The following ERBB4 variants were observed in gnomAD, a reference collection of about 807,000 sequenced individuals.
ERBB4 encodes the protein erb-b2 receptor tyrosine kinase 4.
In ERBB4, 42 loss-of-function variants were observed where a neutral mutation model predicts 158.0. The ratio of observed to expected loss-of-function variants is 0.27; its 90% confidence interval spans 0.21 to 0.34. The LOEUF is 0.34. ERBB4 is among the 10% of genes least tolerant of loss of function. The pLI is 1.00. For synonymous variants in ERBB4, 583 were observed against 558.7 expected, an observed-to-expected ratio of 1.04 and a Z score of -0.61; for missense variants, 1,333 against 1,624.1, an observed-to-expected ratio of 0.82 and a Z score of 3.08.
intron 4 of ERBB4, among the ~76,000 whole-genome samples, chr2:211,782,046 T>C (rs990816470): frequency 2.6e-5 from 4 of 152,104 alleles, no homozygotes; most frequent in Admixed American, 2.6e-4. Context: ...TTGACAGCGG[T>C]TTTCCTTAGG....
At chr2:211,817,983 T>A (rs1457511052) in intron 3 of ERBB4, among the ~76,000 whole-genome samples, 1 of 152,176 alleles carries the variant, frequency 6.6e-6, no homozygotes, top group African/African-American at 2.4e-5. Flanking sequence ...TCATATCTTG[T>A]TAAAGTTACT....
intron 1 of ERBB4, among the ~76,000 whole-genome samples, chr2:212,399,670 C>G (rs1283311): frequency 1 from 133,168 of 133,180 alleles, 66,578 homozygotes; most frequent in Middle Eastern, 1. Context: ...TTCGAGTCCA[C>G]CCTGGCCAAC....
chr2:212,256,006 T>TTC (rs1331005772), intron 1 of ERBB4, among the ~76,000 whole-genome samples: 1 of 127,498 alleles, frequency 7.8e-6, no homozygotes, highest in Non-Finnish European at 1.7e-5. Flanking sequence ...TATTTATTTT[T>TTC]TTTTTACAAA....
chr2:212,193,330 A>T (rs1210587438), intron 1 of ERBB4, among the ~76,000 whole-genome samples: 1 of 152,134 alleles, frequency 6.6e-6, no homozygotes, highest in Non-Finnish European at 1.5e-5. Flanking sequence ...AAGTGATGCC[A>T]TCTGCTTTTC....
chr2:211,442,569 G>A (rs1171350478), intron 20 of ERBB4, among the ~76,000 whole-genome samples: 2 of 151,948 alleles, frequency 1.3e-5, no homozygotes, highest in African/African-American at 4.8e-5. Flanking sequence ...ATTACCCAAT[G>A]CTAACAGTTT....
At chr2:212,389,035 A>G (rs1476151025) in intron 1 of ERBB4, among the ~76,000 whole-genome samples, 1 of 152,102 alleles carries the variant, frequency 6.6e-6, no homozygotes, top group African/African-American at 2.4e-5. Flanking sequence ...GAAACTGGTG[A>G]AAAAGTGTAT....
chr2:211,729,955 T>C (rs535705843), intron 5 of ERBB4, among the ~76,000 whole-genome samples: 1 of 151,956 alleles, frequency 6.6e-6, no homozygotes, highest in South Asian at 2.1e-4. Context: ...GACGTTAAAC[T>C]TCTTATATTC....
intron 20 of ERBB4, among the ~76,000 whole-genome samples, chr2:211,553,204 C>T (rs772782186): frequency 6.6e-6 from 1 of 151,908 alleles, no homozygotes; most frequent in East Asian, 1.9e-4. Flanking sequence ...TCCGACCTCA[C>T]GTGATTCACC....
intron 1 of ERBB4, among the ~76,000 whole-genome samples, chr2:212,272,146 TTATAAA>T (rs746654965): frequency 2.8e-4 from 43 of 151,894 alleles, no homozygotes; most frequent in Non-Finnish European, 5.2e-4. Context: ...AAAATTTGCC[TTATAAA>T]TATAAACATA....
At chr2:212,456,406 G>T (rs548836941) in intron 1 of ERBB4, among the ~76,000 whole-genome samples, 2 of 152,054 alleles carry the variant, frequency 1.3e-5, no homozygotes, top group East Asian at 3.9e-4. Flanking sequence ...GGGATAAATA[G>T]AGTACAAGAT....
chr2:212,227,817 T>C (rs995977442), intron 1 of ERBB4, among the ~76,000 whole-genome samples: 3 of 151,636 alleles, frequency 2.0e-5, no homozygotes, highest in Non-Finnish European at 2.9e-5. Flanking sequence ...TAGATTACTG[T>C]CCAGTATAAA....
At chr2:211,531,146 A>G (rs1439759502) in intron 20 of ERBB4, among the ~76,000 whole-genome samples, 1 of 152,132 alleles carries the variant, frequency 6.6e-6, no homozygotes, top group Non-Finnish European at 1.5e-5. Context: ...ATCTCTTACC[A>G]TATTAAAAAA....
At chr2:212,407,489 A>C (rs890622683) in intron 1 of ERBB4, among the ~76,000 whole-genome samples, 2 of 152,136 alleles carry the variant, frequency 1.3e-5, no homozygotes, top group East Asian at 3.9e-4. Flanking sequence ...TGACAAAGCC[A>C]GGGTTTGATC....
intron 20 of ERBB4, among the ~76,000 whole-genome samples, chr2:211,553,558 T>C (rs1446032335): frequency 1.3e-5 from 2 of 152,248 alleles, no homozygotes; most frequent in Non-Finnish European, 2.9e-5. Flanking sequence ...TCTGTCCTTA[T>C]TGTAGTGATT....
chr2:211,626,956 T>A (rs367699172), intron 17 of ERBB4, among the ~76,000 whole-genome samples: 598 of 33,066 alleles, frequency 0.018, 1 homozygote, highest in African/African-American at 0.04. Context: ...ATAAAAAAAA[T>A]AAAAAAAAAA....
At chr2:212,426,087 A>AACTTCT (rs2091905721) in intron 1 of ERBB4, among the ~76,000 whole-genome samples, 1 of 152,010 alleles carries the variant, frequency 6.6e-6, no homozygotes, top group Non-Finnish European at 1.5e-5. Flanking sequence ...ACAATGTCTG[A>AACTTCT]ACTTCTTTAT....
rs562499247 is a variant in ERBB4 at position 212,175,631 on chromosome 2, A to T, written c.83-50728T>A. Among the ~76,000 whole-genome samples, 461 of 149,350 alleles carry T rather than the reference A, an allele frequency of 3.1e-3. 2 individuals carry two copies. Among genetic ancestry groups the T allele is most frequent in the Non-Finnish European group, 4.0e-3 (267 of 67,462 alleles). ...TATTTTTTTTTTTTTTTCTGGTAGG[A>T]TGGAGTAAGTAAAGAGAGAATGACA... On this transcript the variant is annotated intron_variant, in intron 1 of 27. Transcript: ENST00000342788.
chr2:212,240,665 A>AAAAAAAAC (rs1559823350), intron 1 of ERBB4, among the ~76,000 whole-genome samples: 4 of 145,900 alleles, frequency 2.7e-5, no homozygotes, highest in African/African-American at 1.0e-4. Flanking sequence ...AAAAAAAAAA[A>AAAAAAAAC]AACAGAAAAA....
At chr2:212,197,919 T>C (rs1329643173) in intron 1 of ERBB4, among the ~76,000 whole-genome samples, 2 of 152,164 alleles carry the variant, frequency 1.3e-5, no homozygotes, top group Non-Finnish European at 2.9e-5. Flanking sequence ...GAAATAAGCA[T>C]TTTAATTTTT....
Sources: allele counts gnomAD v4.1 joint callset (sites outside exome capture counted in the v4.1 genomes callset), GRCh38; gene constraint gnomAD v4.1.1; transcripts MANE v1.5; gene names NCBI Gene and HGNC (gene_info 2026-07-23, HGNC 2026-07-21).